MKLN1: variants seen among roughly 807,000 people sequenced by gnomAD.
MKLN1 encodes muskelin 1.
A neutral mutation model predicts 99.0 loss-of-function variants in MKLN1; 18 were observed. That is an observed-to-expected ratio of 0.18 (90% CI 0.13 to 0.27). The LOEUF is 0.27. Ranked by LOEUF, MKLN1 falls within the 10% of genes least tolerant of loss-of-function variation. The pLI is 1.00. For missense variants in MKLN1, 621 were observed against 875.9 expected, an observed-to-expected ratio of 0.71 and a Z score of 3.67; for synonymous variants, 288 against 293.2, an observed-to-expected ratio of 0.98 and a Z score of 0.18.
At chr7:131,259,205 C>A (rs548870077) in intron 3 of MKLN1, among the ~76,000 whole-genome samples, 2 of 152,264 alleles carry the variant, frequency 1.3e-5, no homozygotes, top group Admixed American at 1.3e-4. Context: ...ATTAGAAAGT[C>A]TGGCCTTCCA....
chr7:131,332,136 C>T (rs1799094254), intron 1 of MKLN1, among the ~76,000 whole-genome samples: 1 of 151,818 alleles, frequency 6.6e-6, no homozygotes, highest in African/African-American at 2.4e-5. Flanking sequence ...TAAAATTTCA[C>T]ATTTAAAAAT....
At chr7:131,481,932 T>C (rs1797135145) in intron 17 of MKLN1, among the ~76,000 whole-genome samples, 1 of 152,102 alleles carries the variant, frequency 6.6e-6, no homozygotes. Flanking sequence ...GTATGTAAAA[T>C]TTTAAAGAAT....
At chr7:131,197,536 C>G (rs1204359171) in intron 2 of MKLN1, among the ~76,000 whole-genome samples, 6 of 151,744 alleles carry the variant, frequency 4.0e-5, no homozygotes, top group Admixed American at 3.9e-4. Flanking sequence ...GCATGAACCA[C>G]TGCACCTGGC....
chr7:131,345,666 T>C (rs765330335), intron 1 of MKLN1, among the ~76,000 whole-genome samples: 4 of 152,066 alleles, frequency 2.6e-5, no homozygotes, highest in Admixed American at 1.3e-4. Flanking sequence ...GTGAGCTATG[T>C]TCATGCCACT....
Position 131,437,997 on chromosome 7 carries a change from G to A in MKLN1, c.1173G>A (p.Gln391=). ...DGGPKLVFDH[Q]MCMDSEKHMI... is the part of the protein sequence containing the mutation. ...GGCCGAAATTGGTGTTTGATCATCA[G>A]GTTTGATGCACAGTTAAATATATGA... Residue 391 remains glutamine, a splice_region_variant and synonymous_variant, in exon 10 of 18, where the codon CAG becomes CAA. Transcript: ENST00000352689. 6.2e-7 allele frequency: 1 copy of A among 1,604,390 alleles called. No homozygotes were observed. The highest frequency in any genetic ancestry group is 8.5e-7 in the Non-Finnish European group (1 of 1,171,210).
In MKLN1 at chr7:131,437,823, T is replaced by C. The variant is rs1426121621; in HGVS notation, c.999T>C (p.Ile333=). Residue 333 remains isoleucine, a synonymous_variant, in exon 10 of 18, where the codon ATT becomes ATC. Transcript: ENST00000352689. ...PSARSCHKMC[I]DIQRRQIYTL... is the part of the protein sequence containing the mutation. The stretch of plus-strand genomic sequence containing the variant: ...CCAGATCGTGTCATAAAATGTGCAT[T>C]GATATTCAACGGAGGCAAATCTACA... The C allele has an allele frequency of 1.9e-6, 3 of 1,613,942 alleles. No homozygotes were observed. The highest frequency in any genetic ancestry group is 2.7e-5 in the African/African-American group (2 of 75,034).
chr7:131,142,936 A>C (rs945665835), exon 2 of MKLN1: 1 of 1,305,062 alleles, frequency 7.7e-7, no homozygotes. Context: ...TGGGGATTGG[A>C]ATTCGGTAAG....
Position 131,193,626 on chromosome 7 carries a change from G to A in MKLN1, c.-296-9231G>A, listed in dbSNP as rs577907575. Among the ~76,000 whole-genome samples the A allele has an allele frequency of 9.2e-5, 14 of 151,884 alleles. No homozygotes were observed. The South Asian group carries it at 1.9e-3, about 20-fold the overall frequency. On this transcript the variant is annotated intron_variant, in intron 2 of 7. Coordinates refer to the MKLN1 transcript ENST00000416992. ...CCTGACCTCGTGATCCGCCCGCCTC[G>A]GCCTCTCAGCCTCCCAAAGTGCTGG...
chr7:131,364,453 T>C (rs28497525), intron 1 of MKLN1, among the ~76,000 whole-genome samples: 2,448 of 152,156 alleles, frequency 0.016, 45 homozygotes, highest in African/African-American at 0.053. Flanking sequence ...AATTTCCTAA[T>C]GTATAAGGAC....
chr7:131,328,186 C>A, intron 1 of MKLN1, 189 bp downstream of exon 1: 1 of 700,032 alleles, frequency 1.4e-6, no homozygotes, highest in Admixed American at 3.0e-5. Flanking sequence ...GGGTTAGGGT[C>A]CGGAGAGCGA....
upstream of MKLN1, chr7:131,327,850 C>A: frequency 6.2e-7 from 1 of 1,600,408 alleles, no homozygotes; most frequent in Non-Finnish European, 8.5e-7. Flanking sequence ...CCCCTCCCCT[C>A]CTCCCGTTCG....
At chr7:131,275,011 C>T (rs1276904343) in intron 3 of MKLN1, among the ~76,000 whole-genome samples, 1 of 152,082 alleles carries the variant, frequency 6.6e-6, no homozygotes, top group Non-Finnish European at 1.5e-5. Flanking sequence ...AGAAATGAGA[C>T]CAAAGAATGA....
At chr7:131,111,354 A>G (rs1380166412) in intron 1 of MKLN1, among the ~76,000 whole-genome samples, 1 of 152,208 alleles carries the variant, frequency 6.6e-6, no homozygotes, top group East Asian at 1.9e-4. Flanking sequence ...CTGGATTATT[A>G]TCGATTGCCT....
chr7:131,249,000 AACATAACTGGTCTTTT>A (rs1797538098), intron 3 of MKLN1, among the ~76,000 whole-genome samples: 2 of 152,218 alleles, frequency 1.3e-5, no homozygotes, highest in South Asian at 4.1e-4. Context: ...CTCCTGGAGA[AACATAACTGGTCTTTT>A]CCATTCCTGA....
intron 17 of MKLN1, among the ~76,000 whole-genome samples, chr7:131,486,091 G>A (rs1797266388): frequency 6.6e-6 from 1 of 151,828 alleles, no homozygotes. Context: ...CACATGGAGA[G>A]AGACAGAGAG....
At chr7:131,466,510 A>G in intron 15 of MKLN1, 95 bp downstream of exon 15, 1 of 890,322 alleles carries the variant, frequency 1.1e-6, no homozygotes, top group Non-Finnish European at 1.5e-6. Flanking sequence ...TACTATGAAG[A>G]TCATGAATTT....
chr7:131,321,732 A>C (rs1433937777), intron 3 of MKLN1, among the ~76,000 whole-genome samples: 1 of 152,212 alleles, frequency 6.6e-6, no homozygotes, highest in Non-Finnish European at 1.5e-5. Context: ...CAAAACCAAT[A>C]AGCCTTTATC....
At chr7:131,355,689 A>G (rs1799854876) in intron 1 of MKLN1, among the ~76,000 whole-genome samples, 3 of 142,098 alleles carry the variant, frequency 2.1e-5, no homozygotes, top group Non-Finnish European at 4.5e-5. Context: ...TTTTTTAAAC[A>G]GGTCTCTTTG....
At chr7:131,403,089 T>A (rs1794597357) in intron 6 of MKLN1, among the ~76,000 whole-genome samples, 1 of 152,198 alleles carries the variant, frequency 6.6e-6, no homozygotes, top group Non-Finnish European at 1.5e-5. Context: ...AGAAGTCTAT[T>A]GGAATGTTTT....
Sources: allele counts gnomAD v4.1 joint callset (sites outside exome capture counted in the v4.1 genomes callset), GRCh38; gene constraint gnomAD v4.1.1; transcripts MANE v1.5; gene names NCBI Gene and HGNC (gene_info 2026-07-23, HGNC 2026-07-21).